Variants in NQO2 observed in about 807,000 individuals in gnomAD.
NQO2 encodes ribosyldihydronicotinamide dehydrogenase [quinone].
A neutral mutation model predicts 22.0 loss-of-function variants in NQO2; 18 were observed. The ratio of observed to expected loss-of-function variants is 0.82; its 90% CI spans 0.56 to 1.21. The LOEUF (loss-of-function observed/expected upper bound fraction) is 1.21, where lower values mean the gene tolerates loss of function less well. Ranked by LOEUF, NQO2 falls within the 50% of genes most tolerant of loss-of-function variation. The pLI is 0.00. For missense variants in NQO2, 267 were observed against 286.9 expected (o/e 0.93, Z 0.50); for synonymous variants, 106 against 110.8 (o/e 0.96, Z 0.28).
At chr6:3,019,039 G>T (rs1296389366) in intron 6 of NQO2, among the ~76,000 whole-genome samples, 1 of 151,970 alleles carries the variant, frequency 6.6e-6, no homozygotes, top group Non-Finnish European at 1.5e-5. Context: ...TCTTTTACAT[G>T]AATGGTATAT....
At chr6:3,013,580 C>G (rs1757220838) in intron 4 of NQO2, among the ~76,000 whole-genome samples, 1 of 152,150 alleles carries the variant, frequency 6.6e-6, no homozygotes, top group Non-Finnish European at 1.5e-5. Flanking sequence ...TCTACCCTCT[C>G]AGTGGTTGCT....
chr6:3,015,226 C>T, intron 4 of NQO2: 1 of 1,386,166 alleles, frequency 7.2e-7, no homozygotes, highest in Non-Finnish European at 9.5e-7. Context: ...CAGACTGCTG[C>T]TCCAAAGCTG....
intron 4 of NQO2, chr6:3,015,264 C>G: frequency 3.5e-6 from 5 of 1,436,132 alleles, no homozygotes; most frequent in Non-Finnish European, 4.6e-6. Context: ...TCGTCCCCTC[C>G]CTGCCTGCCC....
chr6:3,015,725 A>G, intron 5 of NQO2, 82 bp downstream of exon 5: 1 of 1,346,672 alleles, frequency 7.4e-7, no homozygotes, highest in Admixed American at 1.9e-5. Context: ...TTATATTTCT[A>G]GTTTCCTTCC....
intron 6 of NQO2, among the ~76,000 whole-genome samples, chr6:3,017,405 C>A (rs893750671): frequency 1.3e-5 from 2 of 152,148 alleles, no homozygotes; most frequent in Admixed American, 6.5e-5. Context: ...TGCCCTTGGA[C>A]CCTGGCAAGT....
At chr6:3,008,177 G>C (rs1757010628) in intron 2 of NQO2, among the ~76,000 whole-genome samples, 1 of 152,192 alleles carries the variant, frequency 6.6e-6, no homozygotes, top group African/African-American at 2.4e-5. Flanking sequence ...CAGCACTCTG[G>C]GAGGCCAAGG....
intron 1 of NQO2, chr6:3,004,732 T>C: frequency 2.6e-6 from 2 of 766,580 alleles, no homozygotes; most frequent in African/African-American, 1.9e-5. Context: ...ACGTTGTCGT[T>C]TGGACACAAC....
rs1757356698 is a variant in NQO2, at chr6:3,017,082, AT to A, written c.519+98del. ...TACACACACACACGCACACACATACATGCCCTCAGCTCCCCGAGGGGTGAGA... is the reference window on the plus strand; with the variant it reads ...TACACACACACACGCACACACATACAGCCCTCAGCTCCCCGAGGGGTGAGA... On this transcript the variant is annotated intron_variant, in intron 6 of 6. Coordinates refer to ENST00000380455, the MANE Select transcript of NQO2 (RefSeq NM_000904.6). The A allele has an allele frequency of 8.6e-6, 12 of 1,387,482 alleles. No homozygotes were observed. The South Asian group carries it at 1.5e-4, about 18-fold the overall frequency. 85.9% of individuals were successfully genotyped at this position (1,387,482 alleles called of 1,614,324 possible).
chr6:3,009,948 A>G (rs28383622), intron 2 of NQO2, 77 bp from the exon 3 acceptor site: 21,889 of 1,519,552 alleles, frequency 0.014, 328 homozygotes, highest in South Asian at 0.058. Context: ...TGAACATTCA[A>G]TTTTCATCTT....
At position 3,003,820 on chromosome 6, in the gene NQO2, A is replaced by C. The variant is rs115952135; in HGVS notation, c.-85-2648A>C. ...TGGACACAAAGCCTGTGCCTGGAGCACTTTCAGACAGACAGTGCATGGCCC... is the reference window on the plus strand; with the variant it reads ...TGGACACAAAGCCTGTGCCTGGAGCCCTTTCAGACAGACAGTGCATGGCCC... On this transcript the variant is annotated intron_variant, in intron 1 of 6. Coordinates refer to ENST00000380455, the MANE Select transcript of NQO2 (RefSeq NM_000904.6). 1.3e-3 allele frequency: 1,268 copies of C among 943,448 alleles called. 191 individuals carry two copies. The African/African-American group carries it at 0.023, about 17-fold the overall frequency. The allele number at this position is 943,448 out of a possible 1,614,324, so 58.4% of individuals were successfully genotyped here.
rs1376576028 is a variant in NQO2, at chr6:3,006,068, T to C, written c.-85-400T>C. Among the ~76,000 whole-genome samples the C allele has an allele frequency of 6.6e-6, 1 of 152,218 alleles. No individual in the cohort carries two copies. The highest frequency in any genetic ancestry group is 2.4e-5 in the African/African-American group (1 of 41,452). On this transcript the variant is annotated intron_variant, in intron 1 of 6. Coordinates refer to ENST00000380455, the MANE Select transcript of NQO2 (RefSeq NM_000904.6). The surrounding 1 kb of genome is among the most constrained non-coding windows in gnomAD (Gnocchi z 4.0). ...CTGCCAGTGCTGGCCCACCAGAGTC[T>C]GGCACCAGCCGAGGAGTGCACGCAC...
At chr6:3,017,089 CAG>C (rs1757356801) in intron 6 of NQO2, 104 bp downstream of exon 6, 24 of 1,354,284 alleles carry the variant, frequency 1.8e-5, no homozygotes, top group Non-Finnish European at 2.1e-5. Context: ...TACATGCCCT[CAG>C]CTCCCCGAGG....
At chr6:3,010,325 T>G in intron 3 of NQO2, 136 bp downstream of exon 3, 1 of 684,276 alleles carries the variant, frequency 1.5e-6, no homozygotes. Context: ...TAGATAGCAC[T>G]GGGATTATCA....
intron 5 of NQO2, among the ~76,000 whole-genome samples, chr6:3,016,430 CAAAA>C (rs36118697): frequency 1.4e-3 from 119 of 85,692 alleles, no homozygotes; most frequent in Non-Finnish European, 2.2e-3. Context: ...GACTCTGTCT[CAAAA>C]AAAAAAAAAA....
At chr6:3,011,428 T>C in intron 3 of NQO2, among the ~76,000 whole-genome samples, 1 of 152,100 alleles carries the variant, frequency 6.6e-6, no homozygotes, top group East Asian at 1.9e-4. Flanking sequence ...GAAAAAGGTA[T>C]GGAGATTTCT....
At chr6:3,014,013 T>A (rs1757238411) in intron 4 of NQO2, among the ~76,000 whole-genome samples, 1 of 152,114 alleles carries the variant, frequency 6.6e-6, no homozygotes, top group Admixed American at 6.5e-5. Flanking sequence ...TTGGTTCAGA[T>A]CATTTCTGTT....
rs557473428 is a variant in NQO2 at position 3,010,950 on chromosome 6, A to AG, written c.172+763dup. ...CAAAAAGCAGGTGGTGGCTTAGTAG[A>AG]GGAAAAAAAAAAAATTTAATAAGAA... On this transcript the variant is annotated intron_variant, in intron 3 of 6. Coordinates refer to ENST00000380455, the MANE Select transcript of NQO2 (RefSeq NM_000904.6). Among the ~76,000 whole-genome samples the AG allele has an allele frequency of 6.8e-4, 61 of 90,056 alleles. No homozygotes were observed. In the South Asian group the frequency reaches 0.02, roughly 30 times the overall value. 59.1% of individuals were successfully genotyped at this position (90,056 alleles called of 152,430 possible). A position where few individuals can be genotyped will look rare whatever the true frequency, so the allele number is the denominator to read the frequency against.
intron 6 of NQO2, among the ~76,000 whole-genome samples, chr6:3,018,971 G>A (rs979387071): frequency 2.0e-5 from 3 of 150,050 alleles, no homozygotes; most frequent in Non-Finnish European, 4.4e-5. Flanking sequence ...TATTTTCTTA[G>A]GGCCTATATA....
chr6:3,019,486 C>T lies in NQO2; in HGVS notation c.527C>T (p.Thr176Ile). The T allele has an allele frequency of 6.2e-7, 1 of 1,613,376 alleles. No homozygotes were observed. Among genetic ancestry groups the T allele is most frequent in the Non-Finnish European group, 8.5e-7 (1 of 1,179,602 alleles). The change falls in exon 7 of 7, where the codon ACA becomes ATA. Residue 176 changes from threonine (T) to isoleucine (I), a missense_variant. Coordinates refer to ENST00000380455, the MANE Select transcript of NQO2 (RefSeq NM_000904.6). ...CTTCCCCTGTGGCTTTAGCATGGCA[C>T]ATTACACTTCTGTGGATTTAAAGTC... ...RYFLWPLQHG[T>I]LHFCGFKVLA...
Sources: gnomAD v4.1 joint callset for allele counts (sites outside exome capture counted in the v4.1 genomes callset) on GRCh38, gnomAD v4.1.1 for gene constraint, Gnocchi (gnomAD v3.1) non-coding constraint, MANE v1.5 for transcripts, NCBI Gene and HGNC (gene_info 2026-07-23, HGNC 2026-07-21) for gene names.